Variants in FBXL20 observed in about 807,000 individuals in gnomAD.
The protein encoded by FBXL20 is F-box and leucine rich repeat protein 20, also known as F-box/LRR-repeat protein 20.
Under a neutral mutation model 64.0 loss-of-function variants are expected in FBXL20, and 11 were observed. The ratio of observed to expected loss-of-function variants is 0.17; its 90% CI spans 0.11 to 0.28. FBXL20 has a LOEUF of 0.28. Ranked by LOEUF, FBXL20 falls within the 10% of genes least tolerant of loss-of-function variation. The pLI is 1.00. For synonymous variants in FBXL20, 184 were observed against 189.0 expected (o/e 0.97, Z 0.22); for missense variants, 303 against 526.2 (o/e 0.58, Z 4.15).
intron 6 of FBXL20, among the ~76,000 whole-genome samples, chr17:39,292,234 T>G (rs1567866504): frequency 6.6e-6 from 1 of 150,656 alleles, no homozygotes; most frequent in Non-Finnish European, 1.5e-5. Flanking sequence ...CATCTAATTT[T>G]TTTCCTTAAA....
intron 10 of FBXL20, among the ~76,000 whole-genome samples, chr17:39,273,316 A>C (rs2144363104): frequency 6.6e-6 from 1 of 152,232 alleles, no homozygotes; most frequent in Non-Finnish European, 1.5e-5. Flanking sequence ...GCGCCTGGCC[A>C]CAAAAGTTCT....
chr17:39,291,423 AAACTT>A (rs1049189214), intron 6 of FBXL20, among the ~76,000 whole-genome samples: 13 of 147,836 alleles, frequency 8.8e-5, no homozygotes, highest in African/African-American at 3.2e-4. Flanking sequence ...CTTGATTTTA[AAACTT>A]TTCTTTTTTT....
At chr17:39,318,112 A>G (rs918710510) in intron 2 of FBXL20, among the ~76,000 whole-genome samples, 1 of 152,168 alleles carries the variant, frequency 6.6e-6, no homozygotes, top group Non-Finnish European at 1.5e-5. Flanking sequence ...AAAAATTCCT[A>G]TGATAGCTTT....
chr17:39,312,635 ACAAGCTAGGCTCACTG>A (rs1447399112), intron 2 of FBXL20, among the ~76,000 whole-genome samples: 3 of 121,288 alleles, frequency 2.5e-5, no homozygotes, highest in Non-Finnish European at 4.8e-5. Flanking sequence ...GTGCAGTGGC[ACAAGCTAGGCTCACTG>A]CAAGCTCCGC....
intron 9 of FBXL20, among the ~76,000 whole-genome samples, chr17:39,277,384 G>A (rs140284061): frequency 6.6e-6 from 1 of 152,240 alleles, no homozygotes; most frequent in Non-Finnish European, 1.5e-5. Flanking sequence ...AGTACCGTAG[G>A]GCTGTGCTGC....
intron 6 of FBXL20, among the ~76,000 whole-genome samples, chr17:39,289,789 G>A (rs2047020912): frequency 6.6e-6 from 1 of 151,992 alleles, no homozygotes; most frequent in African/African-American, 2.4e-5. Flanking sequence ...GAGGCCAGTA[G>A]TTCAAGACCA....
chr17:39,282,302 T>TA (rs1408719380), intron 8 of FBXL20, among the ~76,000 whole-genome samples: 1 of 152,188 alleles, frequency 6.6e-6, no homozygotes, highest in African/African-American at 2.4e-5. Flanking sequence ...ATCAATACTA[T>TA]AAAATGCAGG....
rs543710052 is a variant in FBXL20 at position 39,276,563 on chromosome 17, G to A, written c.697-1463C>T. Among the ~76,000 whole-genome samples the A allele has an allele frequency of 4.6e-5, 7 of 152,204 alleles. No individual in the cohort carries two copies. The South Asian group carries it at 1.5e-3, about 32-fold the overall frequency. ...GGATGCCTGTAATCCCAGCTACTCG[G>A]GAGGCTGAGGCAGGAGAATCACTTG... On this transcript the variant is annotated intron_variant, in intron 9 of 14. Coordinates refer to ENST00000264658, the MANE Select transcript of FBXL20 (RefSeq NM_032875.3).
At chr17:39,293,678 G>C (rs746108790) in intron 6 of FBXL20, among the ~76,000 whole-genome samples, 35 of 152,068 alleles carry the variant, frequency 2.3e-4, no homozygotes, top group Non-Finnish European at 4.1e-4. Flanking sequence ...ACTTCATCCA[G>C]CCTTATTAAG....
At chr17:39,379,915 G>A (rs1255276505) in intron 1 of FBXL20, among the ~76,000 whole-genome samples, 1 of 152,068 alleles carries the variant, frequency 6.6e-6, no homozygotes, top group East Asian at 1.9e-4. Context: ...GGAGGTCAAG[G>A]CTACAGTGAG....
At chr17:39,340,472 C>A (rs1050184727) in intron 2 of FBXL20, among the ~76,000 whole-genome samples, 1 of 152,168 alleles carries the variant, frequency 6.6e-6, no homozygotes, top group African/African-American at 2.4e-5. Context: ...TCAAGTGATC[C>A]GCCTGCCTTG....
chr17:39,375,379 A>G (rs561510143), intron 1 of FBXL20, among the ~76,000 whole-genome samples: 4 of 152,280 alleles, frequency 2.6e-5, no homozygotes, highest in African/African-American at 9.6e-5. Context: ...CAAACGAAAA[A>G]AATTTCACCC....
At chr17:39,356,891 TA>T (rs2047746999) in intron 1 of FBXL20, among the ~76,000 whole-genome samples, 1 of 151,322 alleles carries the variant, frequency 6.6e-6, no homozygotes, top group African/African-American at 2.4e-5. Flanking sequence ...CTTAAACTCC[TA>T]AACTCAAGAG....
rs2068804480 is a variant in FBXL20 at position 39,256,916 on chromosome 17, A to G, written c.*4544T>C. ...ACAACTTCAAACCAAGACAGGTTTC[A>G]TCACATATTTTGTTTAGTCCCCCAT... On this transcript the variant is annotated 3_prime_UTR_variant, in exon 15 of 15. Transcript: ENST00000264658. 1 of 152,224 alleles carries G rather than the reference A, an allele frequency of 6.6e-6. No homozygotes were observed. The highest frequency in any genetic ancestry group is 6.5e-5 in the Admixed American group (1 of 15,276). 9.4% of individuals were successfully genotyped at this position (152,224 alleles called of 1,614,324 possible). A position where few individuals can be genotyped will look rare whatever the true frequency, so the allele number is the denominator to read the frequency against.
chr17:39,333,737 G>A (rs1427295743), intron 2 of FBXL20, among the ~76,000 whole-genome samples: 1 of 151,372 alleles, frequency 6.6e-6, no homozygotes, highest in African/African-American at 2.4e-5. Flanking sequence ...CTGGGATGTG[G>A]GGAGCGCCTC....
intron 1 of FBXL20, 55 bp downstream of exon 1, chr17:39,401,306 G>T: frequency 5.6e-6 from 9 of 1,611,672 alleles, no homozygotes; most frequent in Non-Finnish European, 6.8e-6. Flanking sequence ...GACGTTTTGG[G>T]ATTAGAGCGC....
chr17:39,308,263 T>C (rs966754846), intron 2 of FBXL20, among the ~76,000 whole-genome samples: 5 of 151,760 alleles, frequency 3.3e-5, no homozygotes, highest in Non-Finnish European at 5.9e-5. Context: ...CAGGCGTGTG[T>C]CACCACACCT....
At chr17:39,299,770 G>A (rs775426195) in intron 4 of FBXL20, among the ~76,000 whole-genome samples, 8 of 151,242 alleles carry the variant, frequency 5.3e-5, no homozygotes, top group Admixed American at 2.0e-4. Context: ...GCGACAAAGC[G>A]AGACTCTGTC....
At chr17:39,287,762 G>C (rs953812377) in intron 6 of FBXL20, among the ~76,000 whole-genome samples, 1 of 152,050 alleles carries the variant, frequency 6.6e-6, no homozygotes, top group Non-Finnish European at 1.5e-5. Flanking sequence ...CCTATGGCAA[G>C]GTTATGTTTG....
Sources: allele counts gnomAD v4.1 joint callset (sites outside exome capture counted in the v4.1 genomes callset), GRCh38; gene constraint gnomAD v4.1.1; transcripts MANE v1.5; gene names NCBI Gene and HGNC (gene_info 2026-07-23, HGNC 2026-07-21).